The following SNX30 variants were observed in gnomAD, a reference collection of about 807,000 sequenced individuals.
The protein encoded by SNX30 is sorting nexin-30.
In SNX30, 24 loss-of-function variants were observed where a neutral mutation model predicts 46.4. That is an observed-to-expected ratio of 0.52 (90% CI 0.37 to 0.73). The LOEUF (loss-of-function observed/expected upper bound fraction) is 0.73. Ranked by LOEUF, SNX30 falls within the 30% of genes least tolerant of loss-of-function variation. The pLI, the probability that SNX30 is intolerant of heterozygous loss-of-function variation, is 0.00. For missense variants in SNX30, 533 were observed against 555.7 expected, an observed-to-expected ratio of 0.96 and a Z score of 0.41; for synonymous variants, 189 against 211.5, an observed-to-expected ratio of 0.89 and a Z score of 0.92.
chr9:112,848,434 A>G (rs1321112589), intron 6 of SNX30, among the ~76,000 whole-genome samples: 1 of 152,054 alleles, frequency 6.6e-6, no homozygotes, highest in South Asian at 2.1e-4. Flanking sequence ...ACGTTGCCCA[A>G]CCTTCAGCGT....
downstream of SNX30, among the ~76,000 whole-genome samples, chr9:112,883,976 T>C (rs1345060071): frequency 1.3e-5 from 2 of 152,336 alleles, no homozygotes; most frequent in South Asian, 2.1e-4. Context: ...ATTACAGGCA[T>C]GAGCCATCGT....
At chr9:112,820,092 A>C (rs1345590067) in intron 3 of SNX30, among the ~76,000 whole-genome samples, 1 of 152,028 alleles carries the variant, frequency 6.6e-6, no homozygotes, top group Non-Finnish European at 1.5e-5. Context: ...CATAGTGTCT[A>C]CTCTTCCATA....
chr9:112,878,180 C>T (rs1004639217), downstream of SNX30: 2 of 152,252 alleles, frequency 1.3e-5, no homozygotes. Context: ...CTGCTTAACA[C>T]CTTCCAACAG....
chr9:112,805,875 C>A (rs968421026), intron 2 of SNX30, among the ~76,000 whole-genome samples: 1 of 152,072 alleles, frequency 6.6e-6, no homozygotes, highest in Non-Finnish European at 1.5e-5. Context: ...AAGTTGGTAA[C>A]CAGGATTCTA....
At chr9:112,792,461 G>A (rs377297661) in intron 1 of SNX30, among the ~76,000 whole-genome samples, 47 of 151,978 alleles carry the variant, frequency 3.1e-4, no homozygotes, top group African/African-American at 8.9e-4. Context: ...ATCTCTCTCC[G>A]TCGCCCAGCC....
At chr9:112,867,121 AGAACTCCCCACCCCCTCG>A (rs1841366506) in intron 8 of SNX30, among the ~76,000 whole-genome samples, 1 of 144,758 alleles carries the variant, frequency 6.9e-6, no homozygotes, top group Non-Finnish European at 1.5e-5. Context: ...CCACCTCCTC[AGAACTCCCCACCCCCTCG>A]GAACTCCTCC....
At chr9:112,762,651 AG>A (rs1157088753) in intron 1 of SNX30, among the ~76,000 whole-genome samples, 1 of 152,204 alleles carries the variant, frequency 6.6e-6, no homozygotes, top group Non-Finnish European at 1.5e-5. Context: ...GGCACAGTAA[AG>A]GCCACAGCAG....
In SNX30 at chr9:112,873,624, G is replaced by A. The variant is rs1841479547; in HGVS notation, c.*4781G>A. ...ATTTTTGATAATGTAAGGAAACACA[G>A]GGACCACAAAACCTTTTTTTTTTTT... On this transcript the variant is annotated 3_prime_UTR_variant, in exon 9 of 9. Transcript: ENST00000374232. 8.5e-6 allele frequency: 1 copy of A among 118,028 alleles called. No individual in the cohort carries two copies. The highest frequency in any genetic ancestry group is 3.1e-5 in the African/African-American group (1 of 32,592). The allele number at this position is 118,028 out of a possible 1,614,324, so 7.3% of individuals were successfully genotyped here.
chr9:112,882,763 G>C (rs1841596868), downstream of SNX30, among the ~76,000 whole-genome samples: 1 of 152,168 alleles, frequency 6.6e-6, no homozygotes, highest in African/African-American at 2.4e-5. Context: ...AGATTGGAAA[G>C]ACAGGAGTGT....
At chr9:112,819,252 A>C (rs1238880365) in intron 3 of SNX30, among the ~76,000 whole-genome samples, 1 of 122,722 alleles carries the variant, frequency 8.1e-6, no homozygotes, top group South Asian at 2.7e-4. Context: ...GTTCCTTTTT[A>C]TTTTTCTTTC....
At chr9:112,878,220 CT>C (rs1015638045), downstream of SNX30, 2 of 152,264 alleles carry the variant, frequency 1.3e-5, no homozygotes, top group African/African-American at 2.4e-5. Flanking sequence ...AGAGAAACAT[CT>C]TTTTCTTTTG....
intron 7 of SNX30, among the ~76,000 whole-genome samples, chr9:112,858,201 G>A (rs561470833): frequency 2.0e-5 from 3 of 152,254 alleles, no homozygotes; most frequent in Admixed American, 6.5e-5. Context: ...CCTCAGTCAC[G>A]AAAATTAAAA....
intron 5 of SNX30, among the ~76,000 whole-genome samples, chr9:112,880,998 C>G (rs1258817500): frequency 6.6e-6 from 1 of 152,318 alleles, no homozygotes; most frequent in African/African-American, 2.4e-5. Context: ...GGATGAACTC[C>G]CATCTATATC....
At chr9:112,822,495 C>T (rs1167850832) in intron 3 of SNX30, among the ~76,000 whole-genome samples, 1 of 150,924 alleles carries the variant, frequency 6.6e-6, no homozygotes, top group African/African-American at 2.4e-5. Context: ...ATAAACAGAT[C>T]CATCACCTTC....
In SNX30 at chr9:112,868,765, G is replaced by A; in HGVS notation, c.1255-19G>A. 2 of 1,613,938 alleles carry A rather than the reference G, an allele frequency of 1.2e-6. No homozygotes were observed. Among genetic ancestry groups the A allele is most frequent in the Non-Finnish European group, 1.7e-6 (2 of 1,179,808 alleles). ...CGGAAACTCAAAGCTGATACTGTGTGTGTATGTTGTCGTTCCAGTGCCTCA... is the reference window on the plus strand; with the variant it reads ...CGGAAACTCAAAGCTGATACTGTGTATGTATGTTGTCGTTCCAGTGCCTCA... On this transcript the variant is annotated intron_variant, in intron 8 of 8. Transcript: ENST00000374232.
chr9:112,838,754 G>C, intron 6 of SNX30, 57 bp downstream of exon 6: 1 of 1,513,250 alleles, frequency 6.6e-7, no homozygotes, highest in Non-Finnish European at 9.1e-7. Flanking sequence ...GCAGTTATCA[G>C]AAAGTAATGG....
chr9:112,811,950 G>A (rs1286277013), intron 2 of SNX30, among the ~76,000 whole-genome samples: 6 of 152,168 alleles, frequency 3.9e-5, no homozygotes, highest in Non-Finnish European at 7.4e-5. Flanking sequence ...TATCTTTGGA[G>A]TTTTACTGGT....
downstream of SNX30, chr9:112,881,773 A>C (rs988269252): frequency 2.0e-5 from 3 of 152,386 alleles, no homozygotes; most frequent in African/African-American, 7.2e-5. Context: ...CTAGTGGGCA[A>C]GTGTAATTAA....
intron 1 of SNX30, among the ~76,000 whole-genome samples, chr9:112,788,552 A>G (rs900450046): frequency 6.6e-6 from 1 of 151,950 alleles, no homozygotes; most frequent in Non-Finnish European, 1.5e-5. Context: ...GGTGTAGCAC[A>G]GCCCTACCTG....
Sources: gnomAD v4.1 joint callset for allele counts (sites outside exome capture counted in the v4.1 genomes callset) on GRCh38, gnomAD v4.1.1 for gene constraint, MANE v1.5 for transcripts, NCBI Gene and HGNC (gene_info 2026-07-23, HGNC 2026-07-21) for gene names.